Variants in FRAS1 observed in about 807,000 individuals in gnomAD.
FRAS1 encodes the protein extracellular matrix organizing protein FRAS1.
A neutral mutation model predicts 435.2 loss-of-function variants in FRAS1; 290 were observed. That is an observed-to-expected ratio of 0.67 (90% CI 0.61 to 0.73). The LOEUF is 0.73. FRAS1 is among the 30% of genes least tolerant of loss of function. The probability of loss-of-function intolerance (pLI) is 0.00; values close to 1 mark genes in which losing one functional copy is unlikely to be tolerated. For missense variants in FRAS1, 4,860 were observed against 5,001.5 expected (o/e 0.97, Z 0.85); for synonymous variants, 1,800 against 1,851.0 (o/e 0.97, Z 0.71).
intron 59 of FRAS1, among the ~76,000 whole-genome samples, chr4:78,492,980 A>C (rs1257647663): frequency 1.3e-5 from 2 of 152,226 alleles, no homozygotes; most frequent in Non-Finnish European, 2.9e-5. Context: ...AACCCCATCA[A>C]AAAGTAGGCA....
intron 30 of FRAS1, among the ~76,000 whole-genome samples, chr4:78,401,125 C>A (rs533395549): frequency 6.6e-6 from 1 of 152,256 alleles, no homozygotes; most frequent in South Asian, 2.1e-4. Context: ...AGTTTTAAAA[C>A]AACTTCATTT....
At chr4:78,328,939 C>T (rs562167685) in intron 18 of FRAS1, among the ~76,000 whole-genome samples, 1 of 152,198 alleles carries the variant, frequency 6.6e-6, no homozygotes, top group African/African-American at 2.4e-5. Context: ...AAAGGCATTA[C>T]CCCCACCAGG....
chr4:78,462,381 CAAAAAAAAAGA>C (rs1719397363), intron 47 of FRAS1, among the ~76,000 whole-genome samples: 2 of 145,012 alleles, frequency 1.4e-5, no homozygotes, highest in African/African-American at 2.6e-5. Context: ...TCTCAGAAAA[CAAAAAAAAAGA>C]AAAAGAAAAG....
Position 78,441,171 on chromosome 4 carries a change from G to C in FRAS1, c.5539G>C (p.Gly1847Arg). The C allele has an allele frequency of 6.2e-7, 1 of 1,613,676 alleles. No homozygotes were observed. The highest frequency in any genetic ancestry group is 8.5e-7 in the Non-Finnish European group (1 of 1,179,672). The change falls in exon 41 of 74, where the codon GGA becomes CGA. Residue 1847 changes from glycine (G) to arginine (R), a missense_variant. Transcript: ENST00000512123. Reference sequence around the variant, plus strand: ...TTCTTTTCTTTCTTAGGTTGATGAGGGAGGGAGAGCACCACTCTCATTTCA... The same window carrying C: ...TTCTTTTCTTTCTTAGGTTGATGAGCGAGGGAGAGCACCACTCTCATTTCA... ...AFADLITVDE[G>R]GRAPLSFHHF...
chr4:78,422,861 C>T (rs1272607342), intron 34 of FRAS1, among the ~76,000 whole-genome samples: 1 of 152,126 alleles, frequency 6.6e-6, no homozygotes, highest in Non-Finnish European at 1.5e-5. Flanking sequence ...TCCTGCAGTA[C>T]CTCAGGGAAG....
At chr4:78,068,784 C>T in intron 2 of FRAS1, 2 of 349,082 alleles carry the variant, frequency 5.7e-6, no homozygotes, top group Admixed American at 3.9e-5. Flanking sequence ...ATTCTGCATT[C>T]GGGTTTATTT....
intron 2 of FRAS1, among the ~76,000 whole-genome samples, chr4:78,133,939 C>T (rs1012818117): frequency 2.7e-5 from 4 of 149,980 alleles, no homozygotes; most frequent in Non-Finnish European, 5.9e-5. Flanking sequence ...GGTGAGGGAG[C>T]TGAGATGGAC....
intron 2 of FRAS1, among the ~76,000 whole-genome samples, chr4:78,134,749 G>A (rs1477171638): frequency 6.6e-6 from 1 of 151,972 alleles, no homozygotes; most frequent in Non-Finnish European, 1.5e-5. Context: ...ATGGTATTAG[G>A]TACTATATAT....
intron 2 of FRAS1, among the ~76,000 whole-genome samples, chr4:78,191,587 A>G (rs559129801): frequency 4.5e-4 from 68 of 151,170 alleles, no homozygotes; most frequent in African/African-American, 1.6e-3. Context: ...CGTGTGCACA[A>G]CGTGCAGGTT....
intron 2 of FRAS1, among the ~76,000 whole-genome samples, chr4:78,196,612 T>A (rs1357753898): frequency 3.9e-5 from 6 of 152,210 alleles, no homozygotes; most frequent in African/African-American, 1.4e-4. Context: ...AACTTTTTTT[T>A]TTTCCTGAAT....
chr4:78,539,579 G>A (rs1430753088), intron 73 of FRAS1, 139 bp downstream of exon 73: 1 of 883,074 alleles, frequency 1.1e-6, no homozygotes, highest in African/African-American at 1.7e-5. Flanking sequence ...TTTTCTTATT[G>A]TTAAGCTTAT....
At chr4:78,409,118 CAAAAAAA>C (rs35627834) in intron 31 of FRAS1, among the ~76,000 whole-genome samples, 3 of 94,358 alleles carry the variant, frequency 3.2e-5, no homozygotes, top group African/African-American at 1.2e-4. Context: ...GACCCTCTCT[CAAAAAAA>C]AAAAAAAAAA....
intron 66 of FRAS1, 95 bp downstream of exon 66, chr4:78,516,108 A>G (rs1721201885): frequency 1.1e-6 from 1 of 932,138 alleles, no homozygotes; most frequent in African/African-American, 1.7e-5. Context: ...CTTTGCCTCC[A>G]GAACTGGGAC....
At chr4:78,473,971 A>AG (rs1479976864) in intron 53 of FRAS1, among the ~76,000 whole-genome samples, 4 of 152,164 alleles carry the variant, frequency 2.6e-5, no homozygotes, top group Non-Finnish European at 5.9e-5. Flanking sequence ...TGCTGCTCAG[A>AG]CAAATGTTTT....
intron 14 of FRAS1, among the ~76,000 whole-genome samples, chr4:78,302,455 A>C (rs1017967939): frequency 5.9e-5 from 9 of 152,036 alleles, no homozygotes; most frequent in African/African-American, 2.2e-4. Context: ...TGGGTGAACT[A>C]GTTTACAGTC....
intron 19 of FRAS1, among the ~76,000 whole-genome samples, chr4:78,337,211 A>C (rs954605659): frequency 6.6e-6 from 1 of 152,154 alleles, no homozygotes; most frequent in African/African-American, 2.4e-5. Flanking sequence ...TCTAGAGAGA[A>C]GTTGCAGTAT....
chr4:78,165,658 T>A (rs1202281808), intron 2 of FRAS1, among the ~76,000 whole-genome samples: 2 of 152,202 alleles, frequency 1.3e-5, no homozygotes, highest in East Asian at 3.9e-4. Flanking sequence ...TGGACCAGGC[T>A]TGTGTGATCT....
intron 47 of FRAS1, among the ~76,000 whole-genome samples, chr4:78,457,034 C>T (rs952295087): frequency 4.0e-5 from 6 of 148,538 alleles, no homozygotes; most frequent in South Asian, 2.1e-4. Context: ...AGGCCTACCT[C>T]GTGCTGGATG....
chr4:78,065,754 C>T (rs1740001947), intron 1 of FRAS1, among the ~76,000 whole-genome samples: 1 of 152,064 alleles, frequency 6.6e-6, no homozygotes, highest in Non-Finnish European at 1.5e-5. Flanking sequence ...TCTTAAAATT[C>T]AAGTCATAAG....
Sources: gnomAD v4.1 joint callset for allele counts (sites outside exome capture counted in the v4.1 genomes callset) on GRCh38, gnomAD v4.1.1 for gene constraint, MANE v1.5 for transcripts, NCBI Gene and HGNC (gene_info 2026-07-23, HGNC 2026-07-21) for gene names.